Variants in NFIB observed in about 807,000 individuals in gnomAD.
The protein encoded by NFIB is nuclear factor I B, also known as nuclear factor 1 B-type.
In NFIB, 11 loss-of-function variants were observed where a neutral mutation model predicts 61.5. That is an observed-to-expected ratio of 0.18 (90% CI 0.11 to 0.30). The LOEUF is 0.30. NFIB is among the 10% of genes least tolerant of loss of function. The pLI, the probability that NFIB is intolerant of heterozygous loss-of-function variation, is 1.00. For synonymous variants in NFIB, 260 were observed against 216.5 expected (o/e 1.20, Z -1.76); for missense variants, 471 against 608.9 (o/e 0.77, Z 2.38).
intron 6 of NFIB, among the ~76,000 whole-genome samples, chr9:14,141,337 T>C (rs1035189802): frequency 6.6e-6 from 1 of 152,208 alleles, no homozygotes; most frequent in Non-Finnish European, 1.5e-5. Context: ...TAAATATAGC[T>C]TGAGAGTCCA....
At chr9:14,281,762 C>T (rs766939434) in intron 2 of NFIB, among the ~76,000 whole-genome samples, 5 of 152,144 alleles carry the variant, frequency 3.3e-5, no homozygotes, top group Non-Finnish European at 7.3e-5. Context: ...TGTCAGGTCA[C>T]TTATGACCTT....
intron 2 of NFIB, among the ~76,000 whole-genome samples, chr9:14,299,825 C>G (rs181189207): frequency 2.4e-4 from 37 of 152,324 alleles, no homozygotes; most frequent in African/African-American, 7.2e-4. Flanking sequence ...ATGTAATCAT[C>G]TGCTTTCCCA....
intron 2 of NFIB, among the ~76,000 whole-genome samples, chr9:14,291,987 G>A (rs1310554656): frequency 6.6e-6 from 1 of 152,086 alleles, no homozygotes; most frequent in East Asian, 1.9e-4. Flanking sequence ...CATGGCTGCA[G>A]ATTGATTTCG....
chr9:14,268,268 C>T (rs1323609933), intron 2 of NFIB, among the ~76,000 whole-genome samples: 1 of 152,138 alleles, frequency 6.6e-6, no homozygotes, highest in African/African-American at 2.4e-5. Flanking sequence ...ACTTTGCTGT[C>T]AGAATTGTCT....
Position 14,150,205 on chromosome 9 carries a change from T to G in NFIB, c.746A>C (p.Tyr249Ser). Residue 249 changes from tyrosine (Y) to serine (S), a missense_variant, in exon 5 of 11, where the codon TAC becomes TCC. By Grantham distance (144) the Tyr-to-Ser change is moderately radical. Around this residue, in one of 2 missense-constraint regions of NFIB, gnomAD observed 372 missense variants for 395.6 expected, o/e 0.94. Coordinates refer to ENST00000380953, the MANE Select transcript of NFIB (RefSeq NM_001190737.2). ...GACCCCCGAGTTCATGTCATGATAG[T>G]ATGGTTGGCTTGGGATTTCTCCAAT... ...FPIGEIPSQP[Y>S]YHDMNSGVNL... is the part of the protein sequence containing the mutation. 1 of 1,613,558 alleles carries G rather than the reference T, an allele frequency of 6.2e-7. No homozygotes were observed. The highest frequency in any genetic ancestry group is 8.5e-7 in the Non-Finnish European group (1 of 1,179,602).
rs35510277 is a variant in NFIB, at chr9:14,208,562, C to CT, written c.563-28783dup. Among the ~76,000 whole-genome samples the CT allele has an allele frequency of 6.0e-3, 832 of 139,366 alleles. 6 individuals carry two copies. The highest frequency in any genetic ancestry group is 0.015 in the South Asian group (66 of 4,394). The allele number at this position is 139,366 out of a possible 152,430, so 91.4% of individuals were successfully genotyped here. The stretch of plus-strand genomic sequence containing the variant: ...TTCCTGGTATTTTTACTTAAAAGAG[C>CT]TTTTTTTTTTTTTTCCTTAAGGACT... On this transcript the variant is annotated intron_variant, in intron 2 of 10. Coordinates refer to ENST00000380953, the MANE Select transcript of NFIB (RefSeq NM_001190737.2).
At chr9:14,236,476 G>C (rs1282729389) in intron 2 of NFIB, among the ~76,000 whole-genome samples, 1 of 152,162 alleles carries the variant, frequency 6.6e-6, no homozygotes. Context: ...TGAGTGAGGG[G>C]TTGATAGGAA....
At chr9:14,259,883 C>T (rs1432890139) in intron 2 of NFIB, among the ~76,000 whole-genome samples, 4 of 152,072 alleles carry the variant, frequency 2.6e-5, no homozygotes, top group Non-Finnish European at 5.9e-5. Flanking sequence ...CCAGCCTGGG[C>T]AACAGAGTGA....
At chr9:14,204,252 G>A in intron 2 of NFIB, 1 of 622,010 alleles carries the variant, frequency 1.6e-6, no homozygotes, top group Non-Finnish European at 2.8e-6. Flanking sequence ...CCCAAGATGT[G>A]GAAAGGAAAG....
chr9:14,259,999 C>A (rs1387221356), intron 2 of NFIB, among the ~76,000 whole-genome samples: 6 of 152,182 alleles, frequency 3.9e-5, no homozygotes, highest in Non-Finnish European at 7.3e-5. Flanking sequence ...GCCTCCAATA[C>A]AACCTGAAGA....
chr9:14,130,663 G>A (rs2040295386), intron 6 of NFIB, among the ~76,000 whole-genome samples: 1 of 151,958 alleles, frequency 6.6e-6, no homozygotes. Flanking sequence ...GGAAGAATAT[G>A]CTACTTGGGA....
rs1457961025 is a variant in NFIB at position 14,146,773 on chromosome 9, T to A, written c.841A>T (p.Met281Leu). Residue 281 changes from methionine to leucine, a missense_variant, in exon 6 of 11, where the codon ATG becomes TTG. By Grantham distance (15) the Met-to-Leu change is conservative. Coordinates refer to ENST00000380953, the MANE Select transcript of NFIB (RefSeq NM_001190737.2). ...RPKTISIDEN[M>L]EPSPTGDFYP... ...AAGTCTCCTGTAGGACTTGGTTCCATATTTTCATCTATGGATATAGTTTTG... is the reference window on the plus strand; with the variant it reads ...AAGTCTCCTGTAGGACTTGGTTCCAAATTTTCATCTATGGATATAGTTTTG... 1 of 1,604,526 alleles carries A rather than the reference T, an allele frequency of 6.2e-7. No individual in the cohort carries two copies. Among genetic ancestry groups the A allele is most frequent in the East Asian group, 2.2e-5 (1 of 44,802 alleles).
the NFIB span, among the ~76,000 whole-genome samples, chr9:14,474,307 G>A: frequency 6.6e-6 from 1 of 152,142 alleles, no homozygotes; most frequent in Non-Finnish European, 1.5e-5. Flanking sequence ...CCTTCTTGCT[G>A]TGTAAGAGTC....
At chr9:14,433,610 C>T in the NFIB span, among the ~76,000 whole-genome samples, 2 of 152,120 alleles carry the variant, frequency 1.3e-5, no homozygotes, top group African/African-American at 4.8e-5. Context: ...CTGTATAGCC[C>T]TGGCAAGGCT....
In NFIB at chr9:14,084,990, T is replaced by TA. The variant is rs1327587554; in HGVS notation, c.*3318dup. ...GCAAAAAAGAGAGCGAGTCTGCCTTTAAAAAATACTGTGTGTCCTGTGAGG... is the reference window on the plus strand; with the variant it reads ...GCAAAAAAGAGAGCGAGTCTGCCTTTAAAAAAATACTGTGTGTCCTGTGAGG... On this transcript the variant is annotated 3_prime_UTR_variant, in exon 11 of 11. Coordinates refer to ENST00000380953, the MANE Select transcript of NFIB (RefSeq NM_001190737.2). 8.7e-6 allele frequency: 2 copies of TA among 229,392 alleles called. No individual in the cohort carries two copies. The highest frequency in any genetic ancestry group is 2.2e-5 in the African/African-American group (1 of 45,096). The allele number at this position is 229,392 out of a possible 1,614,324, so 14.2% of individuals were successfully genotyped here.
At chr9:14,488,594 T>C in the NFIB span, among the ~76,000 whole-genome samples, 4 of 152,076 alleles carry the variant, frequency 2.6e-5, no homozygotes, top group African/African-American at 7.2e-5. Context: ...GAATAACTAG[T>C]TCCCCCAGTC....
chr9:14,485,077 T>C, the NFIB span, among the ~76,000 whole-genome samples: 1 of 152,308 alleles, frequency 6.6e-6, no homozygotes, highest in South Asian at 2.1e-4. Flanking sequence ...ATTAGAGTCA[T>C]GCCCTTAGGA....
At chr9:14,229,149 G>A (rs565802616) in intron 2 of NFIB, among the ~76,000 whole-genome samples, 157 of 151,982 alleles carry the variant, frequency 1.0e-3, no homozygotes, top group Non-Finnish European at 2.1e-3. Context: ...CTACATTCAC[G>A]TACAGGTAAT....
At chr9:14,467,299 T>C in the NFIB span, among the ~76,000 whole-genome samples, 2 of 152,174 alleles carry the variant, frequency 1.3e-5, no homozygotes, top group East Asian at 3.8e-4. Flanking sequence ...CTGAGAGCTG[T>C]TCCTCTTCCC....
Sources: allele counts gnomAD v4.1 joint callset (sites outside exome capture counted in the v4.1 genomes callset), GRCh38; gene constraint gnomAD v4.1.1; regional missense constraint gnomAD v4.1.1; transcripts MANE v1.5; gene names NCBI Gene and HGNC (gene_info 2026-07-23, HGNC 2026-07-21).